PRR16: variants seen among roughly 807,000 people sequenced by gnomAD.
The protein encoded by PRR16 is proline rich 16.
In PRR16, 6 loss-of-function variants were observed where a neutral mutation model predicts 18.2. The observed-to-expected ratio is 0.33, with a 90% CI of 0.18 to 0.65. The LOEUF is 0.65. Ranked by LOEUF, PRR16 falls within the 30% of genes least tolerant of loss-of-function variation. The pLI, the probability that PRR16 is intolerant of heterozygous loss-of-function variation, is 0.74. For synonymous variants in PRR16, 151 were observed against 147.8 expected (o/e 1.02, Z -0.16); for missense variants, 412 against 376.6 (o/e 1.09, Z -0.78).
At chr5:120,745,294 T>C in the PRR16 span, among the ~76,000 whole-genome samples, 203 of 152,342 alleles carry the variant, frequency 1.3e-3, no homozygotes, top group African/African-American at 4.7e-3. Flanking sequence ...GTGTTTGAAA[T>C]GTTTCTGCTT....
intron 1 of PRR16, among the ~76,000 whole-genome samples, chr5:120,552,727 C>G (rs961929642): frequency 1.3e-5 from 2 of 151,840 alleles, no homozygotes; most frequent in African/African-American, 4.8e-5. Context: ...ATTTTCTAAG[C>G]TTATGCAAAT....
chr5:120,577,466 A>G (rs1193164223), intron 1 of PRR16, among the ~76,000 whole-genome samples: 1 of 151,554 alleles, frequency 6.6e-6, no homozygotes, highest in Non-Finnish European at 1.5e-5. Context: ...GGGGCAAAGG[A>G]ATAATACCAA....
At chr5:120,735,514 G>A in the PRR16 span, among the ~76,000 whole-genome samples, 3 of 152,148 alleles carry the variant, frequency 2.0e-5, no homozygotes, top group South Asian at 6.2e-4. Context: ...TGGACATCCT[G>A]GTAGGTATAA....
chr5:120,658,871 A>T (rs564461734), intron 1 of PRR16, among the ~76,000 whole-genome samples: 1 of 152,012 alleles, frequency 6.6e-6, no homozygotes, highest in African/African-American at 2.4e-5. Context: ...TAAAAGTCTA[A>T]AGAAGTAGTA....
At chr5:120,467,836 C>G (rs1451167599) in intron 1 of PRR16, among the ~76,000 whole-genome samples, 1 of 151,956 alleles carries the variant, frequency 6.6e-6, no homozygotes. Context: ...TAATATGGGT[C>G]CTTTTGTTTT....
At chr5:120,746,053 A>T in the PRR16 span, among the ~76,000 whole-genome samples, 1 of 151,764 alleles carries the variant, frequency 6.6e-6, no homozygotes, top group Non-Finnish European at 1.5e-5. Flanking sequence ...AAGCGGTGAA[A>T]TTTTGAGATT....
intron 1 of PRR16, among the ~76,000 whole-genome samples, chr5:120,662,418 T>C (rs1463403994): frequency 6.6e-6 from 1 of 152,094 alleles, no homozygotes; most frequent in Non-Finnish European, 1.5e-5. Context: ...AGTTTGTCAG[T>C]AGTACTATTC....
chr5:120,473,852 A>G (rs1749350909), intron 1 of PRR16, among the ~76,000 whole-genome samples: 1 of 152,208 alleles, frequency 6.6e-6, no homozygotes, highest in Non-Finnish European at 1.5e-5. Flanking sequence ...GAAGATTATA[A>G]TGGGATGAAT....
At chr5:120,530,974 TA>T (rs753690148) in intron 1 of PRR16, among the ~76,000 whole-genome samples, 13 of 152,192 alleles carry the variant, frequency 8.5e-5, no homozygotes, top group Non-Finnish European at 1.5e-4. Flanking sequence ...CAACAAAAGT[TA>T]GAAACAGAAA....
chr5:120,508,968 G>C (rs10064623), intron 1 of PRR16, among the ~76,000 whole-genome samples: 41,476 of 151,838 alleles, frequency 0.27, 6,962 homozygotes, highest in African/African-American at 0.48. Context: ...GGTGAGGGGG[G>C]GGATAGTAAA....
intron 1 of PRR16, among the ~76,000 whole-genome samples, chr5:120,517,662 G>C (rs996370453): frequency 1.3e-5 from 2 of 151,720 alleles, no homozygotes; most frequent in African/African-American, 2.4e-5. Flanking sequence ...GTTCTTTTTC[G>C]ACAGTAGAGC....
chr5:120,656,811 A>C (rs1319847291), intron 1 of PRR16, among the ~76,000 whole-genome samples: 1 of 151,976 alleles, frequency 6.6e-6, no homozygotes, highest in Admixed American at 6.6e-5. Context: ...ATTTCATTCA[A>C]CCTACGTTTA....
the PRR16 span, among the ~76,000 whole-genome samples, chr5:120,694,475 G>C: frequency 1.3e-5 from 2 of 152,142 alleles, no homozygotes; most frequent in Middle Eastern, 3.4e-3. Flanking sequence ...ACGAGGTCAG[G>C]AGATCGAGAC....
At chr5:120,586,399 G>A (rs958486893) in intron 1 of PRR16, among the ~76,000 whole-genome samples, 2 of 151,862 alleles carry the variant, frequency 1.3e-5, no homozygotes, top group Non-Finnish European at 2.9e-5. Context: ...ATTTTATTAC[G>A]ATTCACTTTT....
intron 1 of PRR16, among the ~76,000 whole-genome samples, chr5:120,609,699 C>T (rs949481455): frequency 1.3e-5 from 2 of 152,136 alleles, no homozygotes; most frequent in Non-Finnish European, 2.9e-5. Context: ...TTGCATATAA[C>T]CTACATTACT....
chr5:120,788,566 CTT>C, the PRR16 span, among the ~76,000 whole-genome samples: 1 of 151,852 alleles, frequency 6.6e-6, no homozygotes, highest in East Asian at 1.9e-4. Context: ...TACATAGAGA[CTT>C]ATATTTCTAG....
intron 1 of PRR16, among the ~76,000 whole-genome samples, chr5:120,679,748 T>C (rs1488367544): frequency 2.0e-5 from 3 of 152,020 alleles, no homozygotes; most frequent in Non-Finnish European, 2.9e-5. Context: ...ATAAGCCAGA[T>C]ACAGAAAGAA....
At chr5:120,673,149 A>G (rs1171222704) in intron 1 of PRR16, among the ~76,000 whole-genome samples, 4 of 152,270 alleles carry the variant, frequency 2.6e-5, no homozygotes, top group Non-Finnish European at 5.9e-5. Flanking sequence ...ATAGACAAGT[A>G]AATGTGAGAA....
At chr5:120,699,342 A>G in the PRR16 span, among the ~76,000 whole-genome samples, 1 of 152,184 alleles carries the variant, frequency 6.6e-6, no homozygotes, top group Non-Finnish European at 1.5e-5. Context: ...CGCCGTCAAT[A>G]AATCAAGCGT....
Sources: allele counts gnomAD v4.1 joint callset (sites outside exome capture counted in the v4.1 genomes callset), GRCh38; gene constraint gnomAD v4.1.1; transcripts MANE v1.5; gene names NCBI Gene and HGNC (gene_info 2026-07-23, HGNC 2026-07-21).